Variants in KCNH7 observed in about 807,000 individuals in gnomAD.
KCNH7 encodes voltage-gated inwardly rectifying potassium channel KCNH7.
In KCNH7, 49 loss-of-function variants were observed where a neutral mutation model predicts 120.8. The observed-to-expected ratio is 0.41, with a 90% CI of 0.32 to 0.51. The LOEUF (loss-of-function observed/expected upper bound fraction) is 0.51. KCNH7 is among the 20% of genes least tolerant of loss of function. KCNH7 has a pLI of 0.38. For synonymous variants in KCNH7, 547 were observed against 516.1 expected, an observed-to-expected ratio of 1.06 and a Z score of -0.81; for missense variants, 1,097 against 1,446.6, an observed-to-expected ratio of 0.76 and a Z score of 3.92.
At chr2:162,500,885 C>T (rs1241582439) in intron 6 of KCNH7, among the ~76,000 whole-genome samples, 1 of 151,866 alleles carries the variant, frequency 6.6e-6, no homozygotes, top group East Asian at 1.9e-4. Flanking sequence ...TTTTTGGTGA[C>T]CAGAGGACAA....
rs71009369 is a variant in KCNH7 at position 162,728,170 on chromosome 2, C to CT, written c.307+108366dup. 1.1e-3 allele frequency among the ~76,000 whole-genome samples: 154 copies of CT among 142,932 alleles called. No homozygotes were observed. In the Middle Eastern group the frequency reaches 0.011, roughly 10 times the overall value. 93.8% of individuals were successfully genotyped at this position (142,932 alleles called of 152,430 possible). On this transcript the variant is annotated intron_variant, in intron 2 of 15. Coordinates refer to ENST00000332142, the MANE Select transcript of KCNH7 (RefSeq NM_033272.4). ...CTTTCCAACATTTGGACTTAATCAG[C>CT]TTTTTTTTTTTTAATTAGGCATTCT...
At chr2:162,515,242 T>A (rs1691239253) in intron 4 of KCNH7, among the ~76,000 whole-genome samples, 1 of 151,600 alleles carries the variant, frequency 6.6e-6, no homozygotes, top group Non-Finnish European at 1.5e-5. Flanking sequence ...GGGGGAAAAA[T>A]CGAGGATGAT....
chr2:162,606,801 C>G (rs1682788486), intron 2 of KCNH7, among the ~76,000 whole-genome samples: 2 of 152,004 alleles, frequency 1.3e-5, no homozygotes, highest in Admixed American at 1.3e-4. Flanking sequence ...TTCAATAGTT[C>G]TAGAAATCTA....
At chr2:162,672,958 A>G (rs1266296198) in intron 2 of KCNH7, among the ~76,000 whole-genome samples, 1 of 152,000 alleles carries the variant, frequency 6.6e-6, no homozygotes, top group East Asian at 1.9e-4. Flanking sequence ...ATTTAGATGC[A>G]CTGGACTAAT....
intron 2 of KCNH7, among the ~76,000 whole-genome samples, chr2:162,788,575 C>T (rs1421905516): frequency 6.6e-6 from 1 of 151,010 alleles, no homozygotes; most frequent in Non-Finnish European, 1.5e-5. Flanking sequence ...ATTGGAGAAA[C>T]AAAAATAAAA....
Position 162,836,568 on chromosome 2 carries a change from C to T in KCNH7, c.276G>A (p.Arg92=). Reference sequence around the variant, plus strand: ...TGTGATAGTAGGTGACCTCCACTTTCCTCTCTTCTGACCCCAGCAATGCCT... The same window carrying T: ...TGTGATAGTAGGTGACCTCCACTTTTCTCTCTTCTGACCCCAGCAATGCCT... ...IAQALLGSEE[R]KVEVTYYHKN... The change falls in exon 2 of 16, where the codon AGG becomes AGA. Residue 92 remains arginine (R), a synonymous_variant. Transcript: ENST00000332142. 1 of 1,614,038 alleles carries T rather than the reference C, an allele frequency of 6.2e-7. No homozygotes were observed. Among genetic ancestry groups the T allele is most frequent in the Non-Finnish European group, 8.5e-7 (1 of 1,179,972 alleles).
chr2:162,556,969 A>G lies in KCNH7; in HGVS notation c.308-19889T>C, dbSNP rs1315911426. 3.3e-5 allele frequency among the ~76,000 whole-genome samples: 5 copies of G among 152,338 alleles called. No individual in the cohort carries two copies. The South Asian group carries it at 1.0e-3, about 32-fold the overall frequency. On this transcript the variant is annotated intron_variant, in intron 2 of 15. Transcript: ENST00000332142. ...ATTACATTTGGAAAAGTCTTGCAGC[A>G]GATCAGTTGGTGTTCTGGTTGTCTG...
intron 2 of KCNH7, among the ~76,000 whole-genome samples, chr2:162,749,351 A>G (rs1215584138): frequency 1.3e-5 from 2 of 152,130 alleles, no homozygotes; most frequent in African/African-American, 4.8e-5. Context: ...TTCATTCAGT[A>G]ACCATTTCTG....
chr2:162,422,066 G>T (rs1687723806), intron 9 of KCNH7, among the ~76,000 whole-genome samples: 1 of 152,050 alleles, frequency 6.6e-6, no homozygotes, highest in South Asian at 2.1e-4. Flanking sequence ...ATTTACAAAA[G>T]AATTTTTCAC....
chr2:162,628,537 C>T (rs886070142), intron 2 of KCNH7, among the ~76,000 whole-genome samples: 4 of 152,078 alleles, frequency 2.6e-5, no homozygotes, highest in African/African-American at 4.8e-5. Context: ...TATTTCATCA[C>T]GCAGGTATTA....
chr2:162,630,702 A>C (rs1313486998), intron 2 of KCNH7, among the ~76,000 whole-genome samples: 1 of 152,134 alleles, frequency 6.6e-6, no homozygotes, highest in Non-Finnish European at 1.5e-5. Flanking sequence ...ACAGATTAGC[A>C]ATATTAATGT....
At chr2:162,701,629 T>C (rs1686502706) in intron 2 of KCNH7, among the ~76,000 whole-genome samples, 1 of 152,210 alleles carries the variant, frequency 6.6e-6, no homozygotes, top group South Asian at 2.1e-4. Context: ...CACCTTAAAA[T>C]ACTTCTAAAA....
At chr2:162,714,898 T>C (rs1687057129) in intron 2 of KCNH7, among the ~76,000 whole-genome samples, 1 of 152,228 alleles carries the variant, frequency 6.6e-6, no homozygotes, top group Admixed American at 6.5e-5. Flanking sequence ...GGGCCAGGTG[T>C]AGCCCAGGGG....
chr2:162,702,143 G>A (rs1342280590), intron 2 of KCNH7, among the ~76,000 whole-genome samples: 1 of 152,070 alleles, frequency 6.6e-6, no homozygotes, highest in Non-Finnish European at 1.5e-5. Context: ...TCCTTTTAAA[G>A]TAAAGCAAGA....
chr2:162,445,601 G>A (rs544109420), intron 7 of KCNH7, among the ~76,000 whole-genome samples: 10 of 152,202 alleles, frequency 6.6e-5, no homozygotes, highest in Admixed American at 2.6e-4. Flanking sequence ...AAGACATTTC[G>A]GAAGGTGCCC....
chr2:162,558,174 TC>T (rs1268815283), intron 2 of KCNH7, among the ~76,000 whole-genome samples: 4 of 149,352 alleles, frequency 2.7e-5, no homozygotes, highest in African/African-American at 1.0e-4. Context: ...TCCTCAAGCC[TC>T]TTTTTTTTTT....
chr2:162,750,604 TATAGAG>T (rs1688504196), intron 2 of KCNH7, among the ~76,000 whole-genome samples: 2 of 152,306 alleles, frequency 1.3e-5, no homozygotes, highest in Admixed American at 1.3e-4. Context: ...ATACACCTAT[TATAGAG>T]ATAATTTACA....
chr2:162,499,521 G>A (rs763057069), intron 6 of KCNH7, among the ~76,000 whole-genome samples: 1 of 152,182 alleles, frequency 6.6e-6, no homozygotes, highest in South Asian at 2.1e-4. Context: ...AAATAAAGAA[G>A]GTGAGATGAA....
chr2:162,437,855 T>A (rs748949832), intron 7 of KCNH7, among the ~76,000 whole-genome samples: 2 of 152,130 alleles, frequency 1.3e-5, no homozygotes, highest in Admixed American at 6.6e-5. Flanking sequence ...CTTTCCGTAC[T>A]GGCCTTGCAG....
Sources: gnomAD v4.1 joint callset for allele counts (sites outside exome capture counted in the v4.1 genomes callset) on GRCh38, gnomAD v4.1.1 for gene constraint, MANE v1.5 for transcripts, NCBI Gene and HGNC (gene_info 2026-07-23, HGNC 2026-07-21) for gene names.